Variants in STK32B observed in about 807,000 individuals in gnomAD.
STK32B encodes serine/threonine-protein kinase 32B.
Under a neutral mutation model 52.6 loss-of-function variants are expected in STK32B, and 43 were observed. That is an observed-to-expected ratio of 0.82 (90% CI 0.64 to 1.05). The LOEUF (loss-of-function observed/expected upper bound fraction) is 1.05. Among genes scored for constraint, STK32B ranks in the 50% least tolerant of loss-of-function variants. STK32B has a pLI of 0.00. For synonymous variants in STK32B, 238 were observed against 204.3 expected, an observed-to-expected ratio of 1.17 and a Z score of -1.41; for missense variants, 621 against 534.6, an observed-to-expected ratio of 1.16 and a Z score of -1.59.
At chr4:5,026,689 G>T in the STK32B span, among the ~76,000 whole-genome samples, 6 of 152,204 alleles carry the variant, frequency 3.9e-5, no homozygotes, top group African/African-American at 1.4e-4. Flanking sequence ...GCAACCTGCT[G>T]TTGGCTGTGG....
At chr4:5,166,822 T>A (rs1718904170) in intron 2 of STK32B, among the ~76,000 whole-genome samples, 1 of 152,146 alleles carries the variant, frequency 6.6e-6, no homozygotes, top group African/African-American at 2.4e-5. Context: ...ATCGAGGTGT[T>A]GGGAAGATTA....
Position 5,469,404 on chromosome 4 carries a change from G to T in STK32B, c.1106+1334G>T, listed in dbSNP as rs528890695. Among the ~76,000 whole-genome samples, 1 of 152,228 alleles carries T rather than the reference G, an allele frequency of 6.6e-6. No individual in the cohort carries two copies. Among genetic ancestry groups the T allele is most frequent in the African/African-American group, 2.4e-5 (1 of 41,468 alleles). On this transcript the variant is annotated intron_variant, in intron 11 of 11. Transcript: ENST00000282908. This position sits in a 1 kb window ranked among gnomAD's most constrained non-coding sequence, Gnocchi z 4.7. The stretch of plus-strand genomic sequence containing the variant: ...TGGTTGGGGAAGTTCTCTAGGTGGC[G>T]TGCTGGGCCAAGTCCTAAGGGACAT...
intron 2 of STK32B, among the ~76,000 whole-genome samples, chr4:5,147,951 C>T (rs1185756117): frequency 6.6e-6 from 1 of 151,832 alleles, no homozygotes; most frequent in Non-Finnish European, 1.5e-5. Context: ...TCTCTGTTTT[C>T]TGAAAGCACT....
intron 11 of STK32B, among the ~76,000 whole-genome samples, chr4:5,472,889 TG>T (rs1717948414): frequency 6.6e-6 from 1 of 152,156 alleles, no homozygotes; most frequent in South Asian, 2.1e-4. Context: ...CATCAATTCT[TG>T]GTTGTGAGGG....
intron 4 of STK32B, among the ~76,000 whole-genome samples, chr4:5,383,036 G>A (rs568571122): frequency 4.6e-5 from 7 of 152,140 alleles, no homozygotes; most frequent in African/African-American, 7.2e-5. Context: ...TTAATTCACC[G>A]GAAAGGTCTC....
chr4:5,176,441 T>TTC (rs1719907300), intron 3 of STK32B, among the ~76,000 whole-genome samples: 2 of 146,972 alleles, frequency 1.4e-5, no homozygotes, highest in Admixed American at 1.4e-4. Flanking sequence ...CCATCATCTT[T>TTC]TTTTTTTTTT....
intron 5 of STK32B, among the ~76,000 whole-genome samples, chr4:5,407,030 G>A (rs1399047543): frequency 1.2e-4 from 18 of 151,992 alleles, no homozygotes; most frequent in Admixed American, 1.2e-3. Context: ...TCCATTTCCA[G>A]GTCACTTTTT....
chr4:5,041,720 GCTAT>G, the STK32B span, among the ~76,000 whole-genome samples: 3 of 151,916 alleles, frequency 2.0e-5, no homozygotes, highest in Admixed American at 6.5e-5. Context: ...TGGATAATTC[GCTAT>G]CTGAGTGAGA....
At position 5,372,758 on chromosome 4, in the gene STK32B, C is replaced by G. The variant is rs550299375; in HGVS notation, c.435-25449C>G. ...GGTTATTTCAGACTAATAGGTCCAGCTCTTCCTTTCTGCCACGCATCAGTA... is the reference window on the plus strand; with the variant it reads ...GGTTATTTCAGACTAATAGGTCCAGGTCTTCCTTTCTGCCACGCATCAGTA... On this transcript the variant is annotated intron_variant, in intron 4 of 11. Coordinates refer to ENST00000282908, the MANE Select transcript of STK32B (RefSeq NM_018401.3). Among the ~76,000 whole-genome samples, 48 of 151,618 alleles carry G rather than the reference C, an allele frequency of 3.2e-4. 1 individual carries two copies. The highest frequency in any genetic ancestry group is 1.0e-3 in the African/African-American group (43 of 41,230).
At chr4:5,205,711 T>A (rs140398902) in intron 3 of STK32B, among the ~76,000 whole-genome samples, 1 of 122,618 alleles carries the variant, frequency 8.2e-6, no homozygotes, top group African/African-American at 2.7e-5. Context: ...CGCGTGTGTG[T>A]GTGTGTGTGT....
chr4:5,146,937 T>G (rs541963057), intron 2 of STK32B, among the ~76,000 whole-genome samples: 8 of 152,200 alleles, frequency 5.3e-5, no homozygotes, highest in Non-Finnish European at 1.2e-4. Flanking sequence ...GAGTTGCTTA[T>G]CAATTCTACA....
chr4:5,070,402 A>G (rs1324744057), intron 1 of STK32B, among the ~76,000 whole-genome samples: 1 of 152,046 alleles, frequency 6.6e-6, no homozygotes, highest in Non-Finnish European at 1.5e-5. Flanking sequence ...TGGAATGGGG[A>G]CTTAGAGAGG....
chr4:5,437,099 C>T (rs1258632809), intron 6 of STK32B, among the ~76,000 whole-genome samples: 1 of 152,238 alleles, frequency 6.6e-6, no homozygotes, highest in Non-Finnish European at 1.5e-5. Flanking sequence ...AACTCAATTA[C>T]TCCTGGCGGT....
At chr4:5,491,881 A>G (rs965702849) in intron 11 of STK32B, among the ~76,000 whole-genome samples, 3 of 152,152 alleles carry the variant, frequency 2.0e-5, no homozygotes, top group African/African-American at 7.2e-5. Flanking sequence ...CAAAGATCAG[A>G]TGGTTGTAGA....
At chr4:5,137,079 A>G (rs1716121748) in intron 1 of STK32B, among the ~76,000 whole-genome samples, 1 of 152,212 alleles carries the variant, frequency 6.6e-6, no homozygotes, top group South Asian at 2.1e-4. Context: ...CCATTTATTC[A>G]GTAATTAACA....
intron 3 of STK32B, among the ~76,000 whole-genome samples, chr4:5,197,158 A>G (rs1249325477): frequency 2.0e-5 from 3 of 152,188 alleles, no homozygotes; most frequent in Non-Finnish European, 2.9e-5. Context: ...GGGAGGGACA[A>G]TAGGGAGTGA....
intron 1 of STK32B, among the ~76,000 whole-genome samples, chr4:5,094,347 C>G (rs1355491602): frequency 6.6e-6 from 1 of 152,198 alleles, no homozygotes; most frequent in Admixed American, 6.5e-5. Flanking sequence ...CAGATGAGTT[C>G]TCAGATGCCA....
intron 3 of STK32B, among the ~76,000 whole-genome samples, chr4:5,318,321 G>T (rs1429360303): frequency 6.6e-6 from 1 of 152,134 alleles, no homozygotes; most frequent in Non-Finnish European, 1.5e-5. Flanking sequence ...GGCCTGCCTG[G>T]GGAGTTGTCT....
intron 3 of STK32B, among the ~76,000 whole-genome samples, chr4:5,179,604 T>C (rs1048563445): frequency 1.3e-5 from 2 of 152,044 alleles, no homozygotes; most frequent in African/African-American, 4.8e-5. Flanking sequence ...GATAAATAGA[T>C]GATTGATAGG....
Sources: gnomAD v4.1 joint callset for allele counts (sites outside exome capture counted in the v4.1 genomes callset) on GRCh38, gnomAD v4.1.1 for gene constraint, Gnocchi (gnomAD v3.1) non-coding constraint, MANE v1.5 for transcripts, NCBI Gene and HGNC (gene_info 2026-07-23, HGNC 2026-07-21) for gene names.